MYH14: variants seen among roughly 807,000 people sequenced by gnomAD.
MYH14 encodes the protein myosin heavy chain 14.
MYH14 carries 123 observed loss-of-function variants against 255.5 expected under a neutral mutation model. That is an observed-to-expected ratio of 0.48 (90% CI 0.42 to 0.56). MYH14 has a LOEUF of 0.56. Ranked by LOEUF, MYH14 falls within the 20% of genes least tolerant of loss-of-function variation. MYH14 has a pLI of 0.00. For missense variants in MYH14, 2,423 were observed against 2,802.3 expected (o/e 0.86, Z 3.06); for synonymous variants, 1,095 against 1,161.2 (o/e 0.94, Z 1.16).
At chr19:50,242,732 T>C (rs1261503497) in intron 10 of MYH14, among the ~76,000 whole-genome samples, 1 of 152,116 alleles carries the variant, frequency 6.6e-6, no homozygotes, top group African/African-American at 2.4e-5. Flanking sequence ...CACCATGAAA[T>C]CAGTACTCCT....
At chr19:50,231,638 A>G (rs1484894040) in intron 9 of MYH14, among the ~76,000 whole-genome samples, 3 of 152,080 alleles carry the variant, frequency 2.0e-5, no homozygotes, top group Admixed American at 1.3e-4. Context: ...GCTTGAGCCC[A>G]GGAGTTTGAG....
chr19:50,257,260 T>C, intron 17 of MYH14, 39 bp from the exon 18 acceptor site: 1 of 1,543,910 alleles, frequency 6.5e-7, no homozygotes, highest in East Asian at 2.3e-5. Context: ...AAACTGACCC[T>C]GACCTCCTTC....
At chr19:50,285,278 A>G (rs1319611078) in intron 33 of MYH14, 1 of 152,156 alleles carries the variant, frequency 6.6e-6, no homozygotes, top group Non-Finnish European at 1.5e-5. Flanking sequence ...GTCAATTTCT[A>G]CCCCAAAACA....
chr19:50,299,678 C>T (rs1481767788), intron 39 of MYH14, among the ~76,000 whole-genome samples: 1 of 151,560 alleles, frequency 6.6e-6, no homozygotes, highest in East Asian at 1.9e-4. Context: ...GGCGTGATGG[C>T]TCACGCCTAT....
In MYH14 at chr19:50,309,913, C is replaced by G. The variant is rs2036801805; in HGVS notation, c.*123C>G. 3.0e-6 allele frequency: 3 copies of G among 1,009,812 alleles called. No homozygotes were observed. The highest frequency in any genetic ancestry group is 4.6e-6 in the Non-Finnish European group (3 of 656,780). 62.6% of individuals were successfully genotyped at this position (1,009,812 alleles called of 1,614,324 possible). A position where few individuals can be genotyped will look rare whatever the true frequency, so the allele number is the denominator to read the frequency against. On this transcript the variant is annotated 3_prime_UTR_variant, in exon 43 of 43. Coordinates refer to ENST00000642316, the MANE Select transcript of MYH14 (RefSeq NM_001145809.2). The stretch of plus-strand genomic sequence containing the variant: ...CTTGCCCTTTGGAAATGGTGCAGCA[C>G]TCTGGCATTTATCACCCCCACCTGG...
chr19:50,223,032 C>T, intron 3 of MYH14, 51 bp from the exon 4 acceptor site: 1 of 1,573,166 alleles, frequency 6.4e-7, no homozygotes, highest in East Asian at 2.2e-5. Flanking sequence ...ACCAGAGGGC[C>T]CTGCTAGAGA....
intron 19 of MYH14, 134 bp downstream of exon 19, chr19:50,259,399 C>G (rs1273728512): frequency 1.7e-6 from 2 of 1,202,042 alleles, no homozygotes; most frequent in Non-Finnish European, 2.3e-6. Context: ...AGATTACTCA[C>G]TTTGCTGAGC....
At chr19:50,213,248 C>T (rs2032293532) in intron 2 of MYH14, among the ~76,000 whole-genome samples, 1 of 152,164 alleles carries the variant, frequency 6.6e-6, no homozygotes, top group Non-Finnish European at 1.5e-5. Context: ...TGCATCCGGC[C>T]ACTCTTTGCC....
rs768033107 is a variant in MYH14, at chr19:50,266,381, C to A, written c.2695-496C>A. Among the ~76,000 whole-genome samples the A allele has an allele frequency of 1.8e-4, 27 of 152,070 alleles. No homozygotes were observed. Among genetic ancestry groups the A allele is most frequent in the Non-Finnish European group, 3.8e-4 (26 of 68,020 alleles). ...TTGGAGACCAGCCTGGCCAACATAGCGAAACCCTCTCTACTGAAAGCACAA... is the reference window on the plus strand; with the variant it reads ...TTGGAGACCAGCCTGGCCAACATAGAGAAACCCTCTCTACTGAAAGCACAA... On this transcript the variant is annotated intron_variant, in intron 22 of 42. Transcript: ENST00000642316. This position sits in a 1 kb window ranked among gnomAD's most constrained non-coding sequence, Gnocchi z 4.1.
chr19:50,296,288 T>C (rs1175354825), intron 39 of MYH14, among the ~76,000 whole-genome samples: 1 of 151,828 alleles, frequency 6.6e-6, no homozygotes, highest in Non-Finnish European at 1.5e-5. Flanking sequence ...CACGTTGTGA[T>C]CTGGAAATGC....
chr19:50,267,362 T>C (rs903976483), intron 23 of MYH14, among the ~76,000 whole-genome samples: 6 of 152,178 alleles, frequency 3.9e-5, no homozygotes, highest in African/African-American at 9.6e-5. Flanking sequence ...GGCGAACTTA[T>C]AACTGTTTCC....
Position 50,276,076 on chromosome 19 carries a change from C to T in MYH14, c.3553C>T (p.Leu1185=), listed in dbSNP as rs1237040015. Residue 1185 remains leucine (L), a synonymous_variant, in exon 28 of 43, where the codon CTG becomes TTG. Transcript: ENST00000642316. The surrounding 1 kb of genome is among the most constrained non-coding windows in gnomAD (Gnocchi z 4.3). ...QAALAEAQED[L]ESERVARTKA... ...AGCCCTGGCCGAGGCCCAGGAGGAC[C>T]TGGAGTCTGAGCGTGTGGCCAGGAC... is the stretch of plus-strand genomic sequence containing the variant. 2 of 1,611,278 alleles carry T rather than the reference C, an allele frequency of 1.2e-6. No individual in the cohort carries two copies. Among genetic ancestry groups the T allele is most frequent in the Non-Finnish European group, 1.7e-6 (2 of 1,179,216 alleles).
At chr19:50,275,864 G>T (rs1270769233) in intron 27 of MYH14, 127 bp from the exon 28 acceptor site, 1 of 695,550 alleles carries the variant, frequency 1.4e-6, no homozygotes. Flanking sequence ...GTGCCCAGTG[G>T]CAGAGAGAGG....
At chr19:50,245,456 G>A (rs371202897) in intron 11 of MYH14, among the ~76,000 whole-genome samples, 4 of 120,158 alleles carry the variant, frequency 3.3e-5, no homozygotes, top group Non-Finnish European at 5.2e-5. Flanking sequence ...AGAAAAAGAA[G>A]AAGAAAGAAA....
intron 10 of MYH14, among the ~76,000 whole-genome samples, chr19:50,237,622 C>A (rs555866117): frequency 3.3e-5 from 5 of 152,158 alleles, no homozygotes; most frequent in Admixed American, 1.3e-4. Flanking sequence ...GCCACCGCAC[C>A]CGGCCATGAG....
Position 50,257,568 on chromosome 19 carries a change from C to G in MYH14, c.2232+82C>G. Reference sequence around the variant, plus strand: ...CCTCTGGACTTGGCTGGAGCCACATCTGATTCGAGGACCCTCAAATTAGCT... The same window carrying G: ...CCTCTGGACTTGGCTGGAGCCACATGTGATTCGAGGACCCTCAAATTAGCT... On this transcript the variant is annotated intron_variant, in intron 18 of 42. Coordinates refer to ENST00000642316, the MANE Select transcript of MYH14 (RefSeq NM_001145809.2). 4 of 1,364,948 alleles carry G rather than the reference C, an allele frequency of 2.9e-6. No homozygotes were observed. In the South Asian group the frequency reaches 5.0e-5, roughly 17 times the overall value. The allele number at this position is 1,364,948 out of a possible 1,614,324, so 84.6% of individuals were successfully genotyped here.
chr19:50,252,823 C>T lies in MYH14; in HGVS notation c.1945+70C>T. On this transcript the variant is annotated intron_variant, in intron 16 of 42. Transcript: ENST00000642316. This position sits in a 1 kb window ranked among gnomAD's most constrained non-coding sequence, Gnocchi z 4.2. ...CCATTCTCCAAATCCACAGCGTGAG[C>T]ACCTTTGTTTCAGAGGCGGAGGTCT... The T allele has an allele frequency of 8.7e-7, 1 of 1,144,880 alleles. No individual in the cohort carries two copies. The highest frequency in any genetic ancestry group is 2.6e-5 in the East Asian group (1 of 38,728). 70.9% of individuals were successfully genotyped at this position (1,144,880 alleles called of 1,614,324 possible).
At chr19:50,249,287 C>T in intron 13 of MYH14, 148 bp downstream of exon 13, 2 of 980,944 alleles carry the variant, frequency 2.0e-6, no homozygotes, top group African/African-American at 3.3e-5. Context: ...GTCTCTGTCC[C>T]CCTCTCTCTG....
At chr19:50,211,240 AG>A (rs1686390764) in intron 2 of MYH14, among the ~76,000 whole-genome samples, 1 of 152,158 alleles carries the variant, frequency 6.6e-6, no homozygotes, top group Admixed American at 6.5e-5. Flanking sequence ...AGACTGAGGC[AG>A]GAGGATCACT....
Sources: gnomAD v4.1 joint callset for allele counts (sites outside exome capture counted in the v4.1 genomes callset) on GRCh38, gnomAD v4.1.1 for gene constraint, Gnocchi (gnomAD v3.1) non-coding constraint, MANE v1.5 for transcripts, NCBI Gene and HGNC (gene_info 2026-07-23, HGNC 2026-07-21) for gene names.